RIF1: variants seen among roughly 807,000 people sequenced by gnomAD.
The protein encoded by RIF1 is telomere-associated protein RIF1.
A neutral mutation model predicts 247.1 loss-of-function variants in RIF1; 45 were observed. The ratio of observed to expected loss-of-function variants is 0.18; its 90% confidence interval spans 0.14 to 0.23. The LOEUF (loss-of-function observed/expected upper bound fraction) is 0.23. Among genes scored for constraint, RIF1 ranks in the 10% least tolerant of loss-of-function variants. The pLI is 1.00. For synonymous variants in RIF1, 1,087 were observed against 978.8 expected (o/e 1.11, Z -2.06); for missense variants, 2,967 against 2,862.5 (o/e 1.04, Z -0.83).
chr2:151,532,148 G>GT, the RIF1 span: 1 of 313,846 alleles, frequency 3.2e-6, no homozygotes, highest in South Asian at 4.1e-5. Flanking sequence ...CCAGGCTGGA[G>GT]TGCAGTGGTG....
intron 7 of RIF1, among the ~76,000 whole-genome samples, chr2:151,422,089 C>A (rs1324563498): frequency 1.3e-5 from 2 of 152,104 alleles, no homozygotes; most frequent in East Asian, 3.9e-4. Flanking sequence ...CTCGGCCTCC[C>A]AAAGTGCTGA....
intron 9 of RIF1, among the ~76,000 whole-genome samples, chr2:151,488,143 G>A (rs150597695): frequency 0.017 from 2,530 of 152,018 alleles, 30 homozygotes; most frequent in Middle Eastern, 0.078. Flanking sequence ...TTTTGAGGGC[G>A]AGGGGAATAA....
the RIF1 span, chr2:151,514,281 G>C: frequency 2.8e-5 from 39 of 1,394,848 alleles, no homozygotes; most frequent in Admixed American, 1.0e-4. Context: ...AAATGATGCT[G>C]TATGAATTAC....
downstream of RIF1, chr2:151,512,800 T>C (rs1232744915): frequency 1.2e-6 from 2 of 1,613,636 alleles, no homozygotes; most frequent in Non-Finnish European, 1.7e-6. Flanking sequence ...AGAAGTGAAA[T>C]TGGCTTTCTC....
At position 151,462,262 on chromosome 2, in the gene RIF1, A is replaced by G. The variant is rs754076811; in HGVS notation, c.3248A>G (p.Tyr1083Cys). 30 of 1,587,512 alleles carry G rather than the reference A, an allele frequency of 1.9e-5. No individual in the cohort carries two copies. The Admixed American group carries it at 4.9e-4, about 26-fold the overall frequency. The part of the protein sequence containing the change: ...KTKRCDIPAM[Y>C]NNLDVSQDTL... ...TTCAGGTGTGATATTCCTGCCATGT[A>G]TAATAATCTGGATGTTTCCCAAGAT... Residue 1083 changes from tyrosine to cysteine, a missense_variant, in exon 28 of 36, where the codon TAT becomes TGT. Coordinates refer to ENST00000444746, the MANE Select transcript of RIF1 (RefSeq NM_018151.5).
At chr2:151,411,036 C>G (rs537441878) in intron 2 of RIF1, among the ~76,000 whole-genome samples, 19 of 152,302 alleles carry the variant, frequency 1.2e-4, no homozygotes, top group African/African-American at 4.3e-4. Flanking sequence ...GTTGTCACAA[C>G]TTGCATGTAC....
At chr2:151,531,762 G>A in the RIF1 span, 1 of 1,520,314 alleles carries the variant, frequency 6.6e-7, no homozygotes, top group Non-Finnish European at 9.1e-7. Flanking sequence ...CCCTGAGTTT[G>A]AGAAGGTATT....
In RIF1 at chr2:151,461,306, T is replaced by A; in HGVS notation, c.3227+17T>A. The A allele has an allele frequency of 6.2e-7, 1 of 1,608,894 alleles. No individual in the cohort carries two copies. The highest frequency in any genetic ancestry group is 8.5e-7 in the Non-Finnish European group (1 of 1,177,820). On this transcript the variant is annotated intron_variant, in intron 27 of 35. Transcript: ENST00000444746. Reference sequence around the variant, plus strand: ...AACAAAGCGGTTTGTAGGCCTTTTATCTTGAGTTGGGTATTTGGTATTCAG... The same window carrying A: ...AACAAAGCGGTTTGTAGGCCTTTTAACTTGAGTTGGGTATTTGGTATTCAG...
chr2:151,505,636 G>A, intron 12 of RIF1: 1 of 1,339,956 alleles, frequency 7.5e-7, no homozygotes, highest in Non-Finnish European at 1.1e-6. Context: ...TTCCCAACAT[G>A]TACATGTTTT....
chr2:151,491,977 T>C (rs1454582526), intron 9 of RIF1: 16 of 1,143,216 alleles, frequency 1.4e-5, no homozygotes, highest in Non-Finnish European at 2.0e-5. Context: ...GGAGCTTTCT[T>C]GCACCTCTAG....
intron 6 of RIF1, among the ~76,000 whole-genome samples, chr2:151,418,831 C>T (rs887778780): frequency 5.9e-5 from 9 of 151,836 alleles, no homozygotes; most frequent in African/African-American, 1.9e-4. Context: ...GCTGAGATTG[C>T]ACCACTGCAC....
chr2:151,452,032 C>T (rs1212320376), intron 21 of RIF1, among the ~76,000 whole-genome samples: 1 of 152,096 alleles, frequency 6.6e-6, no homozygotes, highest in East Asian at 1.9e-4. Flanking sequence ...GAAGGATTAC[C>T]TGGACAAGAA....
In RIF1 at chr2:151,430,807, C is replaced by T. The variant is rs1304477588; in HGVS notation, c.925+1885C>T. Among the ~76,000 whole-genome samples, 3 of 151,940 alleles carry T rather than the reference C, an allele frequency of 2.0e-5. No homozygotes were observed. In the East Asian group the frequency reaches 5.8e-4, roughly 29 times the overall value. On this transcript the variant is annotated intron_variant, in intron 9 of 35. Transcript: ENST00000444746. ...TAGCTGGGACTACAGGCGTGTGCCA[C>T]CATTTCTGGCTAATTTTTGTATTTT... is the stretch of plus-strand genomic sequence containing the variant.
At chr2:151,506,956 T>G in intron 13 of RIF1, 2 of 1,611,938 alleles carry the variant, frequency 1.2e-6, no homozygotes, top group Non-Finnish European at 1.7e-6. Context: ...ATTTCTGGCG[T>G]GTCTTGAACA....
At chr2:151,456,765 T>C (rs991831375) in intron 23 of RIF1, 145 bp downstream of exon 23, 3 of 506,034 alleles carry the variant, frequency 5.9e-6, no homozygotes, top group Non-Finnish European at 1.0e-5. Flanking sequence ...AGCATTTTGC[T>C]CTTGTCACCC....
At chr2:151,450,533 CCTT>C (rs992718699) in intron 20 of RIF1, among the ~76,000 whole-genome samples, 3 of 151,978 alleles carry the variant, frequency 2.0e-5, no homozygotes, top group Non-Finnish European at 4.4e-5. Flanking sequence ...ATTTATTACA[CCTT>C]CTTGAAAATT....
the RIF1 span, chr2:151,520,005 G>T: frequency 1.7e-5 from 5 of 288,482 alleles, no homozygotes; most frequent in East Asian, 5.7e-5. Context: ...TTATTCCAAG[G>T]TATAAAAAGT....
chr2:151,454,929 G>A lies in RIF1; in HGVS notation c.2379G>A (p.Lys793=), dbSNP rs1694948907. Residue 793 remains lysine, a synonymous_variant, in exon 22 of 36, where the codon AAG becomes AAA. Coordinates refer to ENST00000444746, the MANE Select transcript of RIF1 (RefSeq NM_018151.5). ...PQRPSDWSKK[K]NEPLGKLTSL... ...GACCTTCAGATTGGTCCAAAAAGAAGAATGAGCCCCTAGGGAAATTGACTT... is the reference window on the plus strand; with the variant it reads ...GACCTTCAGATTGGTCCAAAAAGAAAAATGAGCCCCTAGGGAAATTGACTT... 1 of 1,611,444 alleles carries A rather than the reference G, an allele frequency of 6.2e-7. No homozygotes were observed.
intron 10 of RIF1, chr2:151,496,217 A>AAATC: frequency 6.9e-7 from 1 of 1,444,330 alleles, no homozygotes; most frequent in Non-Finnish European, 9.5e-7. Flanking sequence ...GTATTATTTT[A>AAATC]AATCATAAAA....
Sources: gnomAD v4.1 joint callset for allele counts (sites outside exome capture counted in the v4.1 genomes callset) on GRCh38, gnomAD v4.1.1 for gene constraint, MANE v1.5 for transcripts, NCBI Gene and HGNC (gene_info 2026-07-23, HGNC 2026-07-21) for gene names.